The following CDH6 variants were observed in gnomAD, a reference collection of about 807,000 sequenced individuals.
CDH6 encodes cadherin 6.
A neutral mutation model predicts 78.0 loss-of-function variants in CDH6; 31 were observed. The ratio of observed to expected loss-of-function variants is 0.40; its 90% CI spans 0.30 to 0.54. The LOEUF is 0.54. CDH6 is among the 20% of genes least tolerant of loss of function. CDH6 has a pLI of 0.56. For synonymous variants in CDH6, 376 were observed against 368.8 expected, an observed-to-expected ratio of 1.02 and a Z score of -0.23; for missense variants, 724 against 975.9, an observed-to-expected ratio of 0.74 and a Z score of 3.44.
Position 31,197,453 on chromosome 5 carries a change from C to T in CDH6, c.-129+3567C>T, listed in dbSNP as rs571004188. ...CACTTATAAAAATAACAAGCAGTGA[C>T]TCAGTCTGAATTGCATTCTTAACAG... On this transcript the variant is annotated intron_variant, in intron 1 of 11. Transcript: ENST00000265071. 3.3e-5 allele frequency among the ~76,000 whole-genome samples: 5 copies of T among 152,322 alleles called. No homozygotes were observed. The South Asian group carries it at 1.0e-3, about 32-fold the overall frequency.
At chr5:31,262,596 G>T (rs1742239802) in intron 1 of CDH6, among the ~76,000 whole-genome samples, 2 of 152,258 alleles carry the variant, frequency 1.3e-5, no homozygotes, top group Non-Finnish European at 2.9e-5. Context: ...GTTTCTAATT[G>T]GTTGGCTCCT....
intron 1 of CDH6, among the ~76,000 whole-genome samples, chr5:31,201,651 A>T (rs1255854771): frequency 1.3e-5 from 2 of 152,208 alleles, no homozygotes; most frequent in African/African-American, 4.8e-5. Flanking sequence ...CCTTTAAAAA[A>T]TAAAACTGTT....
chr5:31,273,324 C>A (rs1742585210), intron 2 of CDH6, among the ~76,000 whole-genome samples: 1 of 152,180 alleles, frequency 6.6e-6, no homozygotes, highest in African/African-American at 2.4e-5. Flanking sequence ...AGTCTCTGAA[C>A]CACTTGTTGC....
intron 1 of CDH6, among the ~76,000 whole-genome samples, chr5:31,242,838 A>G (rs1349708785): frequency 6.6e-6 from 1 of 151,460 alleles, no homozygotes; most frequent in East Asian, 2.0e-4. Flanking sequence ...CCTGGGCAAC[A>G]TAATGAGACC....
At chr5:31,199,705 ATATATATATATC>A (rs1215568051) in intron 1 of CDH6, among the ~76,000 whole-genome samples, 5 of 135,694 alleles carry the variant, frequency 3.7e-5, no homozygotes, top group African/African-American at 1.4e-4. Context: ...ATATATATAT[ATATATATATATC>A]TCAAAGATAA....
intron 2 of CDH6, among the ~76,000 whole-genome samples, chr5:31,274,657 T>A (rs1742638653): frequency 6.6e-6 from 1 of 152,140 alleles, no homozygotes; most frequent in African/African-American, 2.4e-5. Context: ...CCATCTCTAC[T>A]AAAAATACAA....
At chr5:31,204,403 G>A (rs115000845) in intron 1 of CDH6, among the ~76,000 whole-genome samples, 60 of 152,222 alleles carry the variant, frequency 3.9e-4, no homozygotes, top group African/African-American at 1.4e-3. Flanking sequence ...AGGGAGGACG[G>A]GTACTTTATT....
chr5:31,216,726 A>G (rs907750713), intron 1 of CDH6, among the ~76,000 whole-genome samples: 2 of 150,644 alleles, frequency 1.3e-5, no homozygotes, highest in Non-Finnish European at 2.9e-5. Context: ...CAACTTAGAG[A>G]TAGGTTTTAT....
chr5:31,305,823 T>C (rs1737976672), intron 7 of CDH6, among the ~76,000 whole-genome samples: 1 of 152,264 alleles, frequency 6.6e-6, no homozygotes, highest in Non-Finnish European at 1.5e-5. Context: ...TTGATGTTTT[T>C]ATTTGTAGTT....
In CDH6 at chr5:31,299,491, T is replaced by C. The variant is rs929568330; in HGVS notation, c.671T>C (p.Met224Thr). The C allele has an allele frequency of 6.2e-7, 1 of 1,613,736 alleles. No individual in the cohort carries two copies. Among genetic ancestry groups the C allele is most frequent in the African/African-American group, 1.3e-5 (1 of 74,896 alleles). ...ATTATCAAGACAGCTTTGCTCAACA[T>C]GGATCGAGAAAACAGGGAGCAGTAC... ...TGIIKTALLNMDRENREQYQV... is the reference protein window; with the variant it reads ...TGIIKTALLNTDRENREQYQV... The change falls in exon 5 of 12, where the codon ATG becomes ACG. Residue 224 changes from methionine to threonine, a missense_variant. Physicochemically the swap from Met to Thr is moderately conservative, Grantham distance 81. Transcript: ENST00000265071.
chr5:31,267,817 A>C, intron 2 of CDH6, 116 bp downstream of exon 2: 1 of 760,190 alleles, frequency 1.3e-6, no homozygotes, highest in Non-Finnish European at 2.1e-6. Flanking sequence ...TTGTTGCTTA[A>C]CTGGTAAGAC....
Position 31,235,682 on chromosome 5 carries a change from G to A in CDH6, c.-128-31664G>A, listed in dbSNP as rs1741437736. 3.9e-5 allele frequency among the ~76,000 whole-genome samples: 6 copies of A among 152,044 alleles called. No homozygotes were observed. In the South Asian group the frequency reaches 1.2e-3, roughly 31 times the overall value. The stretch of plus-strand genomic sequence containing the variant: ...AATAAAACCCAAATGAATAAATCTT[G>A]TTTTCAGAGAACAAATGAAAGACAA... On this transcript the variant is annotated intron_variant, in intron 1 of 11. Transcript: ENST00000265071.
Position 31,304,013 on chromosome 5 carries a change from A to C in CDH6, c.1000-1161A>C, listed in dbSNP as rs185675617. On this transcript the variant is annotated intron_variant, in intron 6 of 11. Transcript: ENST00000265071. ...CTTGTCATATTATCATCTAAAACTA[A>C]AAGTCAGCAATAAGCATTTGGGTTC... Among the ~76,000 whole-genome samples, 254 of 152,274 alleles carry C rather than the reference A, an allele frequency of 1.7e-3. 1 individual carries two copies. Among genetic ancestry groups the C allele is most frequent in the African/African-American group, 5.8e-3 (240 of 41,554 alleles).
chr5:31,202,853 A>AATAT (rs1279185778), intron 1 of CDH6, among the ~76,000 whole-genome samples: 1 of 151,456 alleles, frequency 6.6e-6, no homozygotes, highest in South Asian at 2.1e-4. Flanking sequence ...ATATATGCAA[A>AATAT]ATATATATAT....
chr5:31,243,802 C>T (rs562715405), intron 1 of CDH6, among the ~76,000 whole-genome samples: 3 of 152,278 alleles, frequency 2.0e-5, no homozygotes, highest in Admixed American at 6.5e-5. Flanking sequence ...AAGCAAACCT[C>T]GATTCTATCT....
intron 1 of CDH6, among the ~76,000 whole-genome samples, chr5:31,243,048 T>C (rs979989637): frequency 3.3e-5 from 5 of 152,150 alleles, no homozygotes; most frequent in Non-Finnish European, 7.4e-5. Context: ...ACCAAGCCAA[T>C]AGAACCCAGA....
intron 1 of CDH6, among the ~76,000 whole-genome samples, chr5:31,219,625 T>C (rs1292332981): frequency 6.6e-6 from 1 of 152,160 alleles, no homozygotes; most frequent in Non-Finnish European, 1.5e-5. Flanking sequence ...GCATGGAGTT[T>C]CTCATCCTGA....
At chr5:31,235,931 A>G (rs552896255) in intron 1 of CDH6, among the ~76,000 whole-genome samples, 2 of 152,282 alleles carry the variant, frequency 1.3e-5, no homozygotes, top group African/African-American at 4.8e-5. Context: ...TTCATTAACC[A>G]TATTTGTATT....
At chr5:31,199,696 T>C (rs1236055965) in intron 1 of CDH6, among the ~76,000 whole-genome samples, 1 of 129,514 alleles carries the variant, frequency 7.7e-6, no homozygotes, top group Non-Finnish European at 1.6e-5. Context: ...TATATATATA[T>C]ATATATATAT....
Sources: gnomAD v4.1 joint callset for allele counts (sites outside exome capture counted in the v4.1 genomes callset) on GRCh38, gnomAD v4.1.1 for gene constraint, MANE v1.5 for transcripts, NCBI Gene and HGNC (gene_info 2026-07-23, HGNC 2026-07-21) for gene names.